The following MSI2 variants were observed in gnomAD, a reference collection of about 807,000 sequenced individuals.
MSI2 encodes RNA-binding protein Musashi homolog 2.
A neutral mutation model predicts 45.6 loss-of-function variants in MSI2; 17 were observed. That is an observed-to-expected ratio of 0.37 (90% CI 0.26 to 0.56). The LOEUF (loss-of-function observed/expected upper bound fraction) is 0.56. MSI2 is among the 20% of genes least tolerant of loss of function. The pLI is 0.77. For synonymous variants in MSI2, 156 were observed against 158.2 expected, an observed-to-expected ratio of 0.99 and a Z score of 0.11; for missense variants, 293 against 444.2, an observed-to-expected ratio of 0.66 and a Z score of 3.06.
chr17:57,368,665 G>A (rs1403344479), intron 5 of MSI2, among the ~76,000 whole-genome samples: 2 of 152,156 alleles, frequency 1.3e-5, no homozygotes, highest in Non-Finnish European at 2.9e-5. Context: ...AGAGGGAAAA[G>A]GTGTCATGAC....
At chr17:57,677,343 C>G (rs534994534) in intron 13 of MSI2, among the ~76,000 whole-genome samples, 41 of 152,180 alleles carry the variant, frequency 2.7e-4, no homozygotes, top group Non-Finnish European at 5.1e-4. Context: ...CACCCTTCAT[C>G]TTTCTCTGTC....
intron 9 of MSI2, among the ~76,000 whole-genome samples, chr17:57,617,319 C>A (rs1247483944): frequency 1.3e-5 from 2 of 151,930 alleles, no homozygotes; most frequent in African/African-American, 4.8e-5. Flanking sequence ...AAACTTATCC[C>A]TGGAAGAAGA....
At chr17:57,330,477 C>T (rs1226845800) in intron 5 of MSI2, among the ~76,000 whole-genome samples, 1 of 151,956 alleles carries the variant, frequency 6.6e-6, no homozygotes, top group African/African-American at 2.4e-5. Context: ...TGGGGTTTCG[C>T]CATGTTGTCC....
chr17:57,528,946 G>T lies in MSI2; in HGVS notation c.406-730G>T, dbSNP rs147713842. Among the ~76,000 whole-genome samples, 328 of 152,216 alleles carry T rather than the reference G, an allele frequency of 2.2e-3. 1 individual carries two copies. The highest frequency in any genetic ancestry group is 7.7e-3 in the African/African-American group (318 of 41,532). ...CTAAAAACAATTCACATGTCTATTA[G>T]AAGGGCAATAATTAAGTAAGCTATG... On this transcript the variant is annotated intron_variant, in intron 6 of 13. Transcript: ENST00000284073.
chr17:57,526,356 G>GGTGTGTGTGTGTGTGT (rs71143203), intron 6 of MSI2, among the ~76,000 whole-genome samples: 93 of 122,584 alleles, frequency 7.6e-4, no homozygotes, highest in Middle Eastern at 4.1e-3. Context: ...GATATACCTG[G>GGTGTGTGTGTGTGTGT]GTGTGTGTGT....
the MSI2 span, among the ~76,000 whole-genome samples, chr17:57,700,763 G>A: frequency 1.4e-4 from 21 of 152,256 alleles, no homozygotes; most frequent in East Asian, 5.8e-4. Flanking sequence ...ATAGCTGGGC[G>A]TGGTGGCAGC....
chr17:57,636,088 G>A (rs1909814612), intron 10 of MSI2, among the ~76,000 whole-genome samples: 2 of 152,158 alleles, frequency 1.3e-5, no homozygotes, highest in African/African-American at 4.8e-5. Context: ...TCCATTGTCT[G>A]TAGGGCTGCT....
intron 6 of MSI2, among the ~76,000 whole-genome samples, chr17:57,402,223 A>AT (rs1189541809): frequency 6.6e-6 from 1 of 152,188 alleles, no homozygotes; most frequent in Non-Finnish European, 1.5e-5. Context: ...AGGATGACAC[A>AT]TTCCTCAGAT....
rs557361112 is a variant in MSI2 at position 57,505,330 on chromosome 17, T to C, written c.406-24346T>C. On this transcript the variant is annotated intron_variant, in intron 6 of 13. Coordinates refer to ENST00000284073, the MANE Select transcript of MSI2 (RefSeq NM_138962.4). ...GGATGGATGACGCCCTGGAGTTTTATGGGGTGAGAGAAGAAAAGGGAGCCT... is the reference window on the plus strand; with the variant it reads ...GGATGGATGACGCCCTGGAGTTTTACGGGGTGAGAGAAGAAAAGGGAGCCT... Among the ~76,000 whole-genome samples the C allele has an allele frequency of 2.6e-5, 4 of 151,978 alleles. No individual in the cohort carries two copies. In the East Asian group the frequency reaches 5.8e-4, roughly 22 times the overall value.
intron 10 of MSI2, among the ~76,000 whole-genome samples, chr17:57,634,098 T>C (rs952500338): frequency 5.3e-5 from 8 of 152,240 alleles, no homozygotes; most frequent in Non-Finnish European, 7.3e-5. Context: ...TCAGATGCTT[T>C]TGGGCTACCC....
chr17:57,684,594 G>A lies in MSI2; in HGVS notation c.*5077G>A, dbSNP rs1156661689. The A allele has an allele frequency of 1.8e-5, 3 of 166,440 alleles. No individual in the cohort carries two copies. Among genetic ancestry groups the A allele is most frequent in the Non-Finnish European group, 3.9e-5 (3 of 76,344 alleles). The allele number at this position is 166,440 out of a possible 1,614,324, so 10.3% of individuals were successfully genotyped here. A position where few individuals can be genotyped will look rare whatever the true frequency, so the allele number is the denominator to read the frequency against. On this transcript the variant is annotated 3_prime_UTR_variant, in exon 14 of 14. Coordinates refer to ENST00000284073, the MANE Select transcript of MSI2 (RefSeq NM_138962.4). ...TATATTTGTATTTTCAAATAAATAA[G>A]TTTGTGAAAGGTTTCCATCCTCTAC...
At chr17:57,583,069 G>A (rs997965558) in intron 7 of MSI2, among the ~76,000 whole-genome samples, 6 of 152,298 alleles carry the variant, frequency 3.9e-5, no homozygotes, top group Admixed American at 3.9e-4. Context: ...GGTGTGATGT[G>A]GCTGGTTAGG....
intron 10 of MSI2, among the ~76,000 whole-genome samples, chr17:57,648,087 C>G (rs1411798288): frequency 1.3e-5 from 2 of 151,596 alleles, no homozygotes; most frequent in East Asian, 3.9e-4. Flanking sequence ...CTCAGCCTCC[C>G]AAGAAGCTGG....
At chr17:57,468,822 AGC>A (rs2085380258) in intron 6 of MSI2, among the ~76,000 whole-genome samples, 1 of 152,198 alleles carries the variant, frequency 6.6e-6, no homozygotes, top group Admixed American at 6.5e-5. Flanking sequence ...GAGGATGGCG[AGC>A]GCTGGGGAGA....
chr17:57,406,346 A>G (rs1366706726), intron 6 of MSI2, among the ~76,000 whole-genome samples: 1 of 152,146 alleles, frequency 6.6e-6, no homozygotes, highest in Non-Finnish European at 1.5e-5. Context: ...CTCCACACAC[A>G]CGGGCTTCCT....
At chr17:57,425,323 A>T (rs578190983) in intron 6 of MSI2, among the ~76,000 whole-genome samples, 2 of 152,350 alleles carry the variant, frequency 1.3e-5, no homozygotes, top group South Asian at 4.1e-4. Context: ...TTTAAAAACG[A>T]AAAGACATAC....
intron 6 of MSI2, among the ~76,000 whole-genome samples, chr17:57,521,770 C>T (rs950450799): frequency 4.6e-5 from 7 of 152,244 alleles, no homozygotes; most frequent in African/African-American, 1.2e-4. Context: ...AATCCTCTTT[C>T]GGGCTGCCCA....
chr17:57,333,034 GAAAAA>G (rs67130236), intron 5 of MSI2, among the ~76,000 whole-genome samples: 1 of 147,670 alleles, frequency 6.8e-6, no homozygotes, highest in Non-Finnish European at 1.5e-5. Context: ...CCAAAAAAAA[GAAAAA>G]AAAAAGAGTA....
intron 7 of MSI2, among the ~76,000 whole-genome samples, chr17:57,574,144 C>T (rs959071241): frequency 2.6e-5 from 4 of 152,230 alleles, no homozygotes; most frequent in African/African-American, 9.6e-5. Flanking sequence ...CTCCCCAGCC[C>T]CACCCCTCAT....
Sources: allele counts gnomAD v4.1 joint callset (sites outside exome capture counted in the v4.1 genomes callset), GRCh38; gene constraint gnomAD v4.1.1; transcripts MANE v1.5; gene names NCBI Gene and HGNC (gene_info 2026-07-23, HGNC 2026-07-21).